Variants in ARHGAP21 observed in about 807,000 individuals in gnomAD.
ARHGAP21 encodes rho GTPase-activating protein 21.
In ARHGAP21, 38 loss-of-function variants were observed where a neutral mutation model predicts 164.6. The observed-to-expected ratio is 0.23, with a 90% CI of 0.18 to 0.30. ARHGAP21 has a LOEUF of 0.30. Ranked by LOEUF, ARHGAP21 falls within the 10% of genes least tolerant of loss-of-function variation. The probability of loss-of-function intolerance (pLI) is 1.00; values close to 1 mark genes in which losing one functional copy is unlikely to be tolerated. For synonymous variants in ARHGAP21, 766 were observed against 857.9 expected (o/e 0.89, Z 1.87); for missense variants, 1,822 against 2,370.7 (o/e 0.77, Z 4.81).
At chr10:24,677,199 G>A (rs1223456827) in intron 2 of ARHGAP21, among the ~76,000 whole-genome samples, 1 of 152,164 alleles carries the variant, frequency 6.6e-6, no homozygotes, top group African/African-American at 2.4e-5. Context: ...CTGCCTAAGC[G>A]ACAGAGCGAG....
At position 24,656,506 on chromosome 10, in the gene ARHGAP21, G is replaced by A. The variant is rs1157200111; in HGVS notation, c.268+10479C>T. 1.2e-4 allele frequency among the ~76,000 whole-genome samples: 10 copies of A among 81,098 alleles called. No homozygotes were observed. The East Asian group carries it at 3.0e-3, about 25-fold the overall frequency. The allele number at this position is 81,098 out of a possible 152,430, so 53.2% of individuals were successfully genotyped here. A position where few individuals can be genotyped will look rare whatever the true frequency, so the allele number is the denominator to read the frequency against. ...CTCTGCCCGGCCAGCCGCCCCGTCC[G>A]GGAGGGAGGTTGGGGGGTCAGCCCC... On this transcript the variant is annotated intron_variant, in intron 4 of 25. Transcript: ENST00000396432.
chr10:24,635,510 G>A (rs915165120), intron 4 of ARHGAP21, among the ~76,000 whole-genome samples: 2 of 152,062 alleles, frequency 1.3e-5, no homozygotes, highest in Non-Finnish European at 2.9e-5. Context: ...TACACAGGCG[G>A]TACTCACTCC....
chr10:24,718,028 GC>G (rs1176931025), intron 2 of ARHGAP21, among the ~76,000 whole-genome samples: 1 of 152,136 alleles, frequency 6.6e-6, no homozygotes, highest in Non-Finnish European at 1.5e-5. Flanking sequence ...AGGGGACAAG[GC>G]TAAGTTATTG....
intron 2 of ARHGAP21, among the ~76,000 whole-genome samples, chr10:24,671,933 T>A (rs1412957343): frequency 6.8e-6 from 1 of 147,662 alleles, no homozygotes; most frequent in Non-Finnish European, 1.5e-5. Flanking sequence ...TCTCACTATG[T>A]TGCTCAGGCT....
Position 24,597,602 on chromosome 10 carries a change from T to C in ARHGAP21, c.3198-19A>G, listed in dbSNP as rs2076637783. On this transcript the variant is annotated intron_variant, in intron 15 of 25. Transcript: ENST00000396432. The stretch of plus-strand genomic sequence containing the variant: ...TGCTTTGCTGTTGAAGGAAATGACA[T>C]TTGTTAACAATTACAGTAATCCCCC... 1 of 1,613,258 alleles carries C rather than the reference T, an allele frequency of 6.2e-7. No individual in the cohort carries two copies. The highest frequency in any genetic ancestry group is 8.5e-7 in the Non-Finnish European group (1 of 1,179,694).
At chr10:24,723,129 C>T (rs1846096374) in intron 1 of ARHGAP21, 1 of 151,612 alleles carries the variant, frequency 6.6e-6, no homozygotes, top group Non-Finnish European at 1.5e-5. Context: ...CTAGGAGCCC[C>T]GGGGCGAGAC....
chr10:24,707,709 T>C (rs1370876059), intron 2 of ARHGAP21, among the ~76,000 whole-genome samples: 1 of 152,152 alleles, frequency 6.6e-6, no homozygotes, highest in Non-Finnish European at 1.5e-5. Flanking sequence ...CCTCCTTCCT[T>C]ACCTCTCATA....
At chr10:24,674,792 T>C (rs997950908) in intron 2 of ARHGAP21, among the ~76,000 whole-genome samples, 13 of 152,200 alleles carry the variant, frequency 8.5e-5, no homozygotes, top group African/African-American at 2.9e-4. Context: ...AATGGGAGAA[T>C]ATATTTGCAA....
At chr10:24,681,937 G>A (rs2131895202) in intron 2 of ARHGAP21, among the ~76,000 whole-genome samples, 1 of 152,190 alleles carries the variant, frequency 6.6e-6, no homozygotes, top group South Asian at 2.1e-4. Context: ...GCCCGGGTCT[G>A]GATTCTTGAT....
intron 23 of ARHGAP21, 40 bp from the exon 24 acceptor site, chr10:24,591,370 A>C (rs1402881001): frequency 6.6e-7 from 1 of 1,512,132 alleles, no homozygotes; most frequent in Admixed American, 1.8e-5. Flanking sequence ...CATCTCTTCA[A>C]AGATACTTTC....
At chr10:24,587,723 T>G (rs2076164229) in intron 25 of ARHGAP21, among the ~76,000 whole-genome samples, 1 of 152,198 alleles carries the variant, frequency 6.6e-6, no homozygotes, top group South Asian at 2.1e-4. Context: ...GATTCACTTT[T>G]AAACATCTCA....
At chr10:24,674,389 C>G (rs1841010119) in intron 2 of ARHGAP21, among the ~76,000 whole-genome samples, 1 of 152,204 alleles carries the variant, frequency 6.6e-6, no homozygotes, top group Non-Finnish European at 1.5e-5. Flanking sequence ...CAAAAATTAG[C>G]CAGGTGTGGT....
At chr10:24,683,084 A>C (rs1291555977) in intron 2 of ARHGAP21, among the ~76,000 whole-genome samples, 1 of 142,918 alleles carries the variant, frequency 7.0e-6, no homozygotes, top group African/African-American at 2.7e-5. Flanking sequence ...CAACACAGCG[A>C]AACTCCATCT....
intron 2 of ARHGAP21, among the ~76,000 whole-genome samples, chr10:24,694,806 C>T (rs1843013913): frequency 6.6e-6 from 1 of 152,032 alleles, no homozygotes; most frequent in Non-Finnish European, 1.5e-5. Flanking sequence ...AATCCCAGCA[C>T]TTTGGGAGGC....
At chr10:24,699,458 G>T (rs558989322) in intron 2 of ARHGAP21, among the ~76,000 whole-genome samples, 54 of 152,042 alleles carry the variant, frequency 3.6e-4, no homozygotes, top group African/African-American at 1.3e-3. Flanking sequence ...CCGAGTAGGT[G>T]GGATTACAGG....
intron 4 of ARHGAP21, among the ~76,000 whole-genome samples, chr10:24,655,751 T>C (rs1593182948): frequency 5.9e-5 from 6 of 101,986 alleles, no homozygotes; most frequent in African/African-American, 1.2e-4. Flanking sequence ...CCGGCCGCCA[T>C]CCCATCTAGG....
At chr10:24,590,737 G>A (rs968355519) in intron 24 of ARHGAP21, 64 of 985,016 alleles carry the variant, frequency 6.5e-5, no homozygotes, top group Non-Finnish European at 7.5e-5. Flanking sequence ...ATAATACACT[G>A]TATTTATGAA....
At chr10:24,718,060 G>A (rs1845564900) in intron 2 of ARHGAP21, among the ~76,000 whole-genome samples, 1 of 152,298 alleles carries the variant, frequency 6.6e-6, no homozygotes, top group East Asian at 1.9e-4. Flanking sequence ...TAGGGAATCT[G>A]TTTCTGTGGT....
In ARHGAP21 at chr10:24,642,514, C is replaced by CAAAAA. The variant is rs57154901; in HGVS notation, c.269-7416_269-7412dup. ...TGGGCGACAGAGCGAGACTCCGTCT[C>CAAAAA]AAAAAAAAAAAAAAAAAAAAAGGAA... On this transcript the variant is annotated intron_variant, in intron 4 of 25. Coordinates refer to ENST00000396432, the MANE Select transcript of ARHGAP21 (RefSeq NM_020824.4). Among the ~76,000 whole-genome samples the CAAAAA allele has an allele frequency of 2.2e-3, 106 of 47,906 alleles. No homozygotes were observed. In the East Asian group the frequency reaches 0.055, roughly 25 times the overall value. 31.4% of individuals were successfully genotyped at this position (47,906 alleles called of 152,430 possible).
Sources: gnomAD v4.1 joint callset for allele counts (sites outside exome capture counted in the v4.1 genomes callset) on GRCh38, gnomAD v4.1.1 for gene constraint, MANE v1.5 for transcripts, NCBI Gene and HGNC (gene_info 2026-07-23, HGNC 2026-07-21) for gene names.